The following ADCY2 variants were observed in gnomAD, a reference collection of about 807,000 sequenced individuals.
The protein encoded by ADCY2 is adenylate cyclase type 2.
ADCY2 carries 31 observed loss-of-function variants against 125.2 expected under a neutral mutation model. The ratio of observed to expected loss-of-function variants is 0.25; its 90% CI spans 0.19 to 0.33. The LOEUF is 0.33. ADCY2 is among the 10% of genes least tolerant of loss of function. ADCY2 has a pLI of 1.00. For synonymous variants in ADCY2, 512 were observed against 548.4 expected (o/e 0.93, Z 0.93); for missense variants, 904 against 1,418.2 (o/e 0.64, Z 5.82).
At chr5:7,432,196 G>A (rs546865726) in intron 2 of ADCY2, among the ~76,000 whole-genome samples, 2 of 151,398 alleles carry the variant, frequency 1.3e-5, no homozygotes, top group South Asian at 4.2e-4. Context: ...TCCCCTTTCA[G>A]CTCCCCTTCC....
At chr5:7,545,700 G>A (rs1229112369) in intron 3 of ADCY2, among the ~76,000 whole-genome samples, 1 of 152,194 alleles carries the variant, frequency 6.6e-6, no homozygotes, top group Non-Finnish European at 1.5e-5. Context: ...TCTTTCTGAA[G>A]GTCATTCTGA....
At chr5:7,469,642 T>C (rs565995570) in intron 2 of ADCY2, among the ~76,000 whole-genome samples, 2 of 152,028 alleles carry the variant, frequency 1.3e-5, no homozygotes, top group Admixed American at 1.3e-4. Context: ...CCTATTCTGA[T>C]GTTTGACATT....
chr5:7,821,734 A>G (rs1215196650), intron 24 of ADCY2, among the ~76,000 whole-genome samples: 2 of 152,222 alleles, frequency 1.3e-5, no homozygotes, highest in African/African-American at 2.4e-5. Context: ...CTCGATTTTC[A>G]GACGACAGGC....
chr5:7,613,761 A>G (rs978655180), intron 3 of ADCY2, among the ~76,000 whole-genome samples: 9 of 152,224 alleles, frequency 5.9e-5, no homozygotes, highest in Non-Finnish European at 1.2e-4. Context: ...GCAGATGACC[A>G]GCCATCCTGA....
At chr5:7,610,372 G>C (rs1737537270) in intron 3 of ADCY2, among the ~76,000 whole-genome samples, 1 of 152,162 alleles carries the variant, frequency 6.6e-6, no homozygotes, top group Non-Finnish European at 1.5e-5. Context: ...CTCCATAGGA[G>C]AAAGGGCCCA....
At chr5:7,594,301 T>C (rs533907349) in intron 3 of ADCY2, among the ~76,000 whole-genome samples, 4 of 152,206 alleles carry the variant, frequency 2.6e-5, no homozygotes, top group Admixed American at 6.5e-5. Context: ...GCCACACACA[T>C]TGAAATATCT....
At chr5:7,611,409 G>A (rs563081084) in intron 3 of ADCY2, among the ~76,000 whole-genome samples, 244 of 152,022 alleles carry the variant, frequency 1.6e-3, no homozygotes, top group Non-Finnish European at 3.1e-3. Flanking sequence ...TTAAAAAATT[G>A]GTACCTCTGG....
chr5:7,637,151 A>G (rs562514764), intron 4 of ADCY2, among the ~76,000 whole-genome samples: 1 of 152,188 alleles, frequency 6.6e-6, no homozygotes, highest in African/African-American at 2.4e-5. Context: ...GGATGGGTAC[A>G]AGGGTTGGTT....
At chr5:7,448,625 G>A (rs980288017) in intron 2 of ADCY2, among the ~76,000 whole-genome samples, 2 of 152,032 alleles carry the variant, frequency 1.3e-5, no homozygotes, top group Non-Finnish European at 2.9e-5. Context: ...TCTTCCTGTT[G>A]CTCTCCCTCC....
At chr5:7,697,078 G>T (rs1411284207) in intron 6 of ADCY2, among the ~76,000 whole-genome samples, 1 of 151,948 alleles carries the variant, frequency 6.6e-6, no homozygotes, top group Non-Finnish European at 1.5e-5. Flanking sequence ...TCTCCTCTAC[G>T]TGCCTGTCTC....
chr5:7,499,571 A>G (rs1325124578), intron 2 of ADCY2, among the ~76,000 whole-genome samples: 2 of 150,908 alleles, frequency 1.3e-5, no homozygotes, highest in Non-Finnish European at 2.9e-5. Context: ...GTCAAAGGAT[A>G]TAATTTAAAG....
chr5:7,496,107 A>T (rs1205907864), intron 2 of ADCY2, among the ~76,000 whole-genome samples: 1 of 152,110 alleles, frequency 6.6e-6, no homozygotes, highest in East Asian at 1.9e-4. Flanking sequence ...AAGACTTATG[A>T]TTTTTCATTA....
intron 2 of ADCY2, among the ~76,000 whole-genome samples, chr5:7,453,494 C>T (rs944810445): frequency 6.6e-6 from 1 of 152,068 alleles, no homozygotes; most frequent in Non-Finnish European, 1.5e-5. Context: ...GCAGCAGCCT[C>T]AATTCTTGCC....
intron 2 of ADCY2, among the ~76,000 whole-genome samples, chr5:7,465,038 T>A (rs556989875): frequency 6.6e-6 from 1 of 152,140 alleles, no homozygotes; most frequent in Non-Finnish European, 1.5e-5. Context: ...TTTCCCCTTA[T>A]AAAACCATTA....
chr5:7,570,441 A>G lies in ADCY2; in HGVS notation c.570+49542A>G, dbSNP rs556637458. ...TTAAACTTCTGTAAGTCTAGGCAACATTGAGCAGGTATTCCCTCTTAATTC... is the reference window on the plus strand; with the variant it reads ...TTAAACTTCTGTAAGTCTAGGCAACGTTGAGCAGGTATTCCCTCTTAATTC... On this transcript the variant is annotated intron_variant, in intron 3 of 24. Coordinates refer to ENST00000338316, the MANE Select transcript of ADCY2 (RefSeq NM_020546.3). 1.4e-3 allele frequency among the ~76,000 whole-genome samples: 217 copies of G among 152,234 alleles called. 2 individuals are homozygous for G. Among genetic ancestry groups the G allele is most frequent in the African/African-American group, 4.9e-3 (202 of 41,560 alleles).
intron 2 of ADCY2, among the ~76,000 whole-genome samples, chr5:7,449,621 C>A (rs534386702): frequency 6.6e-6 from 1 of 152,236 alleles, no homozygotes; most frequent in Non-Finnish European, 1.5e-5. Flanking sequence ...ACTATAGGAG[C>A]TGGAAAGAAA....
chr5:7,454,371 T>G (rs1741588724), intron 2 of ADCY2, among the ~76,000 whole-genome samples: 1 of 152,244 alleles, frequency 6.6e-6, no homozygotes, highest in African/African-American at 2.4e-5. Flanking sequence ...TGCGACTCAC[T>G]TTATTTCGGC....
chr5:7,463,619 A>G (rs1054635670), intron 2 of ADCY2, among the ~76,000 whole-genome samples: 1 of 40,096 alleles, frequency 2.5e-5, no homozygotes. Flanking sequence ...GGTGATAGAT[A>G]AAAAAAAAAA....
At chr5:7,513,996 T>C (rs751259982) in intron 2 of ADCY2, among the ~76,000 whole-genome samples, 1 of 152,228 alleles carries the variant, frequency 6.6e-6, no homozygotes, top group African/African-American at 2.4e-5. Context: ...GTGCTTTCTG[T>C]AGCTAATCTT....
Sources: allele counts gnomAD v4.1 joint callset (sites outside exome capture counted in the v4.1 genomes callset), GRCh38; gene constraint gnomAD v4.1.1; transcripts MANE v1.5; gene names NCBI Gene and HGNC (gene_info 2026-07-23, HGNC 2026-07-21).